The following RPS6KC1 variants were observed in gnomAD, a reference collection of about 807,000 sequenced individuals.
RPS6KC1 encodes ribosomal protein S6 kinase C1, also known as inactive ribosomal protein S6 kinase delta-1.
A neutral mutation model predicts 103.8 loss-of-function variants in RPS6KC1; 54 were observed. The observed-to-expected ratio is 0.52, with a 90% CI of 0.42 to 0.65. The LOEUF (loss-of-function observed/expected upper bound fraction) is 0.65, where lower values mean the gene tolerates loss of function less well. Ranked by LOEUF, RPS6KC1 falls within the 30% of genes least tolerant of loss-of-function variation. The pLI is 0.00. For synonymous variants in RPS6KC1, 439 were observed against 438.7 expected (o/e 1.00, Z -0.01); for missense variants, 1,151 against 1,253.8 (o/e 0.92, Z 1.24).
chr1:213,123,299 A>G (rs2084609331), intron 5 of RPS6KC1, among the ~76,000 whole-genome samples: 1 of 152,178 alleles, frequency 6.6e-6, no homozygotes, highest in Non-Finnish European at 1.5e-5. Context: ...GTAGCAGAGT[A>G]TAAAGTTCAT....
chr1:213,685,503 G>A, the RPS6KC1 span, among the ~76,000 whole-genome samples: 313 of 152,016 alleles, frequency 2.1e-3, 2 homozygotes, highest in African/African-American at 6.8e-3. Context: ...GCTGGCAGGA[G>A]CCTGTAATCC....
the RPS6KC1 span, among the ~76,000 whole-genome samples, chr1:213,294,402 G>A: frequency 6.6e-6 from 1 of 152,144 alleles, no homozygotes; most frequent in African/African-American, 2.4e-5. Context: ...ATTTTGGTTT[G>A]TTCGCTCCTC....
the RPS6KC1 span, among the ~76,000 whole-genome samples, chr1:213,854,557 T>TTTCTTTC: frequency 9.3e-6 from 1 of 107,590 alleles, no homozygotes; most frequent in South Asian, 2.8e-4. Flanking sequence ...TCTTTCTTTC[T>TTTCTTTC]TTCTTTCTCT....
the RPS6KC1 span, among the ~76,000 whole-genome samples, chr1:213,512,041 A>G: frequency 2.6e-5 from 4 of 152,276 alleles, no homozygotes; most frequent in African/African-American, 7.2e-5. Flanking sequence ...CCTTGACGAG[A>G]TAGTGATAGT....
At chr1:213,450,645 T>C in the RPS6KC1 span, among the ~76,000 whole-genome samples, 1 of 152,208 alleles carries the variant, frequency 6.6e-6, no homozygotes, top group African/African-American at 2.4e-5. Flanking sequence ...TATCCTTATT[T>C]TGTGGAACTC....
the RPS6KC1 span, among the ~76,000 whole-genome samples, chr1:213,407,585 G>A: frequency 6.6e-6 from 1 of 152,210 alleles, no homozygotes; most frequent in South Asian, 2.1e-4. Context: ...CATTGAAGAT[G>A]CCTAATAAAC....
chr1:213,790,152 C>G, the RPS6KC1 span, among the ~76,000 whole-genome samples: 2 of 152,140 alleles, frequency 1.3e-5, no homozygotes, highest in African/African-American at 2.4e-5. Context: ...CTTTCCATAA[C>G]AGTGTCCCAA....
At chr1:213,811,779 G>C in the RPS6KC1 span, among the ~76,000 whole-genome samples, 1 of 152,312 alleles carries the variant, frequency 6.6e-6, no homozygotes, top group Non-Finnish European at 1.5e-5. Context: ...GAATTATTAA[G>C]AACCTTAAGT....
At chr1:213,608,455 G>A in the RPS6KC1 span, among the ~76,000 whole-genome samples, 2 of 152,306 alleles carry the variant, frequency 1.3e-5, no homozygotes, top group South Asian at 2.1e-4. Context: ...GGTTCTAAGG[G>A]AAATAGCGCT....
the RPS6KC1 span, among the ~76,000 whole-genome samples, chr1:213,786,129 G>A: frequency 6.6e-6 from 1 of 152,130 alleles, no homozygotes; most frequent in African/African-American, 2.4e-5. Flanking sequence ...AGGAAAGAGG[G>A]AGAAAAGAAA....
At chr1:213,778,976 G>T in the RPS6KC1 span, among the ~76,000 whole-genome samples, 1 of 152,092 alleles carries the variant, frequency 6.6e-6, no homozygotes, top group Admixed American at 6.6e-5. Flanking sequence ...GTTTATTTGG[G>T]TGTTTGGAGG....
intron 8 of RPS6KC1, among the ~76,000 whole-genome samples, chr1:213,179,321 A>G (rs895884018): frequency 1.3e-5 from 2 of 151,858 alleles, no homozygotes; most frequent in Non-Finnish European, 2.9e-5. Context: ...AGGCTGAGGC[A>G]GGAGAATTGT....
In RPS6KC1 at chr1:213,273,201, A is replaced by G. The variant is rs1350949510; in HGVS notation, c.*567A>G. On this transcript the variant is annotated 3_prime_UTR_variant, in exon 15 of 15. Transcript: ENST00000366960. ...GAATGTGGTCCCAGATTATTTCTGT[A>G]AGAAGACACTCCATGTTGTCAGCTT... 1 of 153,048 alleles carries G rather than the reference A, an allele frequency of 6.5e-6. No homozygotes were observed. The highest frequency in any genetic ancestry group is 1.9e-4 in the East Asian group (1 of 5,216). The allele number at this position is 153,048 out of a possible 1,614,324, so 9.5% of individuals were successfully genotyped here.
At chr1:213,528,289 C>T in the RPS6KC1 span, among the ~76,000 whole-genome samples, 4 of 152,068 alleles carry the variant, frequency 2.6e-5, no homozygotes, top group Non-Finnish European at 4.4e-5. Flanking sequence ...GCAAGAAGTG[C>T]CGAGCAAAGG....
At chr1:213,578,666 G>A in the RPS6KC1 span, among the ~76,000 whole-genome samples, 2 of 150,624 alleles carry the variant, frequency 1.3e-5, no homozygotes, top group Non-Finnish European at 3.0e-5. Flanking sequence ...ACTTGCATGG[G>A]GCCTGTAGCC....
chr1:213,456,607 T>G, the RPS6KC1 span, among the ~76,000 whole-genome samples: 1 of 152,220 alleles, frequency 6.6e-6, no homozygotes. Context: ...TGAGGAGTAT[T>G]AAACCTATTA....
At chr1:213,424,481 G>A in the RPS6KC1 span, among the ~76,000 whole-genome samples, 1 of 152,246 alleles carries the variant, frequency 6.6e-6, no homozygotes, top group African/African-American at 2.4e-5. Context: ...AGCATTGGAG[G>A]TTTGTATCTC....
At chr1:213,424,476 T>C in the RPS6KC1 span, among the ~76,000 whole-genome samples, 1 of 152,242 alleles carries the variant, frequency 6.6e-6, no homozygotes, top group South Asian at 2.1e-4. Context: ...TTCAGAGCAT[T>C]GGAGGTTTGT....
chr1:213,242,578 A>G lies in RPS6KC1; in HGVS notation c.2831A>G (p.Gln944Arg), dbSNP rs2094380928. Residue 944 changes from glutamine (Q) to arginine (R), a missense_variant, in exon 12 of 15, where the codon CAG becomes CGG. Gln to Arg is a conservative substitution (Grantham distance 43). Around this residue, in one of 3 missense-constraint regions of RPS6KC1, gnomAD observed 189 missense variants for 228.8 expected, o/e 0.83. Coordinates refer to ENST00000366960, the MANE Select transcript of RPS6KC1 (RefSeq NM_012424.6). ...NILLNDRGHI[Q>R]LTYFSRWSEV... is the part of the protein sequence containing the mutation. ...GTCGTTTTGTTTTTAGGACACATTC[A>G]GCTAACGTATTTTAGCAGGTGGAGT... The G allele has an allele frequency of 6.2e-7, 1 of 1,611,992 alleles. No homozygotes were observed. Among genetic ancestry groups the G allele is most frequent in the East Asian group, 2.2e-5 (1 of 44,838 alleles).
Sources: gnomAD v4.1 joint callset for allele counts (sites outside exome capture counted in the v4.1 genomes callset) on GRCh38, gnomAD v4.1.1 for gene constraint, gnomAD v4.1.1 regional missense constraint, MANE v1.5 for transcripts, NCBI Gene and HGNC (gene_info 2026-07-23, HGNC 2026-07-21) for gene names.